SLC2A5: variants seen among roughly 807,000 people sequenced by gnomAD.
The protein encoded by SLC2A5 is solute carrier family 2, facilitated glucose transporter member 5.
In SLC2A5, 56 loss-of-function variants were observed where a neutral mutation model predicts 50.3. The observed-to-expected ratio is 1.11, with a 90% CI of 0.90 to 1.39. The LOEUF (loss-of-function observed/expected upper bound fraction) is 1.39. SLC2A5 is among the 40% of genes most tolerant of loss of function. The pLI, the probability that SLC2A5 is intolerant of heterozygous loss-of-function variation, is 0.00. For missense variants in SLC2A5, 566 were observed against 650.1 expected (o/e 0.87, Z 1.41); for synonymous variants, 269 against 281.9 (o/e 0.95, Z 0.46).
At chr1:9,068,843 CA>C (rs1192303906) in intron 1 of SLC2A5, among the ~76,000 whole-genome samples, 1 of 152,190 alleles carries the variant, frequency 6.6e-6, no homozygotes, top group Non-Finnish European at 1.5e-5. Flanking sequence ...CAAATATAAG[CA>C]GATGCTATTG....
intron 2 of SLC2A5, among the ~76,000 whole-genome samples, chr1:9,081,204 G>A (rs1642347032): frequency 6.9e-6 from 1 of 145,480 alleles, no homozygotes; most frequent in Non-Finnish European, 1.5e-5. Context: ...GGGCTGGAGT[G>A]AGCTGTGATC....
upstream of SLC2A5, among the ~76,000 whole-genome samples, chr1:9,073,730 C>G (rs1642250068): frequency 6.6e-6 from 1 of 152,222 alleles, no homozygotes; most frequent in African/African-American, 2.4e-5. Flanking sequence ...GGTGGAGTCT[C>G]TTCTGCCTCA....
At chr1:9,068,749 TCCAGTCTG>T (rs1642148537) in intron 1 of SLC2A5, among the ~76,000 whole-genome samples, 1 of 152,200 alleles carries the variant, frequency 6.6e-6, no homozygotes, top group Non-Finnish European at 1.5e-5. Flanking sequence ...AGAGCATGTT[TCCAGTCTG>T]CCTATGGTGA....
chr1:9,072,351 C>T (rs1190956103), upstream of SLC2A5: 2 of 152,270 alleles, frequency 1.3e-5, no homozygotes, highest in Non-Finnish European at 2.9e-5. Context: ...CATGCCACTG[C>T]ACTCCAGCCT....
chr1:9,060,833 C>A (rs59847748), intron 1 of SLC2A5, among the ~76,000 whole-genome samples: 2,852 of 152,050 alleles, frequency 0.019, 89 homozygotes, highest in African/African-American at 0.064. Context: ...ACATATTGGG[C>A]GCCCAATGTG....
At chr1:9,086,785 A>G (rs1642405955) in intron 1 of SLC2A5, among the ~76,000 whole-genome samples, 2 of 152,156 alleles carry the variant, frequency 1.3e-5, no homozygotes, top group African/African-American at 2.4e-5. Flanking sequence ...GGGTATGGAA[A>G]ACGGTACTGG....
chr1:9,092,315 A>G (rs1642468806), upstream of SLC2A5, among the ~76,000 whole-genome samples: 1 of 152,142 alleles, frequency 6.6e-6, no homozygotes, highest in Non-Finnish European at 1.5e-5. Flanking sequence ...GGTTCATACA[A>G]AACAAATTAG....
intron 1 of SLC2A5, among the ~76,000 whole-genome samples, chr1:9,086,562 T>C (rs1472547297): frequency 6.6e-6 from 1 of 152,114 alleles, no homozygotes; most frequent in Non-Finnish European, 1.5e-5. Flanking sequence ...CTAAGTTTTG[T>C]ATTTTTTTAG....
upstream of SLC2A5, among the ~76,000 whole-genome samples, chr1:9,090,586 A>G (rs926370722): frequency 3.3e-5 from 5 of 152,082 alleles, no homozygotes; most frequent in Admixed American, 1.3e-4. Flanking sequence ...GTTGTCCCCA[A>G]CCCCTATAAC....
intron 2 of SLC2A5, among the ~76,000 whole-genome samples, chr1:9,077,586 CAA>C (rs111499647): frequency 2.1e-5 from 3 of 140,380 alleles, no homozygotes; most frequent in Admixed American, 7.2e-5. Flanking sequence ...ACTAAAAATA[CAA>C]AAAAAAAAAG....
intron 1 of SLC2A5, among the ~76,000 whole-genome samples, chr1:9,060,493 C>A (rs3004248): frequency 0.71 from 94,633 of 132,706 alleles, 34,579 homozygotes; most frequent in East Asian, 0.95. Flanking sequence ...CCCCACCCCC[C>A]CACATATGCA....
At position 9,080,744 on chromosome 1, in the gene SLC2A5, T is replaced by C. The variant is rs554640204; in HGVS notation, c.-59+4270A>G. On this transcript the variant is annotated intron_variant, in intron 2 of 5. Transcript: ENST00000464985. ...CCAGTGATGTGCAGGAGCCAGCTTA[T>C]ATATAATGTGAAAACAAATAATTCA... 1.1e-4 allele frequency among the ~76,000 whole-genome samples: 17 copies of C among 152,350 alleles called. 1 individual carries two copies. In the South Asian group the frequency reaches 3.3e-3, roughly 30 times the overall value.
chr1:9,077,364 A>G lies in SLC2A5; in HGVS notation c.-59+7650T>C, dbSNP rs888916427. Among the ~76,000 whole-genome samples, 4 of 147,226 alleles carry G rather than the reference A, an allele frequency of 2.7e-5. No homozygotes were observed. The Admixed American group carries it at 2.8e-4, about 10-fold the overall frequency. On this transcript the variant is annotated intron_variant, in intron 2 of 5. Transcript: ENST00000464985. ...CAGTGAACTGAGATAGCGCCACTGCACTCCTGCCTGGGCAACAGAGTCAAA... is the reference window on the plus strand; with the variant it reads ...CAGTGAACTGAGATAGCGCCACTGCGCTCCTGCCTGGGCAACAGAGTCAAA...
At chr1:9,091,339 C>T (rs1323939138), upstream of SLC2A5, among the ~76,000 whole-genome samples, 2 of 152,134 alleles carry the variant, frequency 1.3e-5, no homozygotes, top group African/African-American at 4.8e-5. Context: ...ACTTCTAGCC[C>T]AACCCATGGG....
chr1:9,053,115 TA>T, intron 3 of SLC2A5, among the ~76,000 whole-genome samples: 1 of 105,946 alleles, frequency 9.4e-6, no homozygotes, highest in South Asian at 2.4e-4. Context: ...TAATATATAT[TA>T]TATATTTATA....
At chr1:9,089,067 T>C (rs1642435916), upstream of SLC2A5, among the ~76,000 whole-genome samples, 1 of 152,156 alleles carries the variant, frequency 6.6e-6, no homozygotes, top group Non-Finnish European at 1.5e-5. Context: ...AAAGAGTACA[T>C]CTGGTGTTCA....
At chr1:9,081,764 A>C (rs1432557863) in intron 2 of SLC2A5, among the ~76,000 whole-genome samples, 1 of 152,162 alleles carries the variant, frequency 6.6e-6, no homozygotes, top group African/African-American at 2.4e-5. Context: ...GATGGCTATC[A>C]TACTTAAAAA....
rs1360135058 is a variant in SLC2A5 at position 9,040,129 on chromosome 1, GGCA to G, written c.629_631del (p.Leu210del). On this transcript the variant is annotated inframe_deletion, in exon 6 of 12. Transcript: ENST00000377424. This position sits in a 1 kb window ranked among gnomAD's most constrained non-coding sequence, Gnocchi z 4.3. ...GTACCTGGGGCTCTCGGGGAAGAAGGGCAGCAGAAGGAGCTGCAGCGCCGCGGG... is the reference window on the plus strand; with the variant it reads ...GTACCTGGGGCTCTCGGGGAAGAAGGGCAGAAGGAGCTGCAGCGCCGCGGG... 1 of 1,594,204 alleles carries G rather than the reference GGCA, an allele frequency of 6.3e-7. No individual in the cohort carries two copies.
In SLC2A5 at chr1:9,039,605, G is replaced by A; in HGVS notation, c.943C>T (p.Gln315Ter). 6.3e-7 allele frequency: 1 copy of A among 1,576,212 alleles called. No individual in the cohort carries two copies. Among genetic ancestry groups the A allele is most frequent in the East Asian group, 2.4e-5 (1 of 42,256 alleles). The stretch of plus-strand genomic sequence containing the variant: ...GCCCCGGTGCCGGCCGTCACGTACT[G>A]CACGTGCTCCTCCGGCACGCCGGCG... ...LSAGVPEEHVQYVTAGTGAVN... is the reference protein window; with the variant it reads ...LSAGVPEEHV Residue 315 changes from glutamine (Q) to a stop codon, truncating the protein, a stop_gained, in exon 8 of 12, where the codon CAG (glutamine) becomes TAG (stop). Transcript: ENST00000377424. LOFTEE classifies it high-confidence loss of function.
Sources: gnomAD v4.1 joint callset for allele counts (sites outside exome capture counted in the v4.1 genomes callset) on GRCh38, gnomAD v4.1.1 for gene constraint, Gnocchi (gnomAD v3.1) non-coding constraint, MANE v1.5 for transcripts, NCBI Gene and HGNC (gene_info 2026-07-23, HGNC 2026-07-21) for gene names.